Variants in FSD1L observed in about 807,000 individuals in gnomAD.
The protein encoded by FSD1L is fibronectin type III and SPRY domain containing 1 like, also known as FSD1-like protein.
Under a neutral mutation model 71.6 loss-of-function variants are expected in FSD1L, and 45 were observed. The ratio of observed to expected loss-of-function variants is 0.63; its 90% confidence interval spans 0.49 to 0.81. The LOEUF (loss-of-function observed/expected upper bound fraction) is 0.81, where lower values mean the gene tolerates loss of function less well. FSD1L is among the 30% of genes least tolerant of loss of function. FSD1L has a pLI of 0.00. For synonymous variants in FSD1L, 197 were observed against 207.2 expected (o/e 0.95, Z 0.42); for missense variants, 561 against 618.1 (o/e 0.91, Z 0.98).
At chr9:105,494,485 C>G (rs1427235821) in intron 7 of FSD1L, among the ~76,000 whole-genome samples, 1 of 152,164 alleles carries the variant, frequency 6.6e-6, no homozygotes, top group African/African-American at 2.4e-5. Context: ...TCGTCTGAGG[C>G]CTTCTTCTCT....
chr9:105,460,508 C>G (rs1830621030), intron 1 of FSD1L, among the ~76,000 whole-genome samples: 1 of 149,528 alleles, frequency 6.7e-6, no homozygotes, highest in Non-Finnish European at 1.5e-5. Flanking sequence ...AGGAGAATTG[C>G]TTGAACCCAG....
At chr9:105,446,776 T>C (rs1039728361), upstream of FSD1L, among the ~76,000 whole-genome samples, 2 of 151,374 alleles carry the variant, frequency 1.3e-5, no homozygotes, top group Non-Finnish European at 2.9e-5. Context: ...AACAGGGCCT[T>C]GCCCACTACT....
chr9:105,484,920 TA>T (rs1456565220), intron 7 of FSD1L, among the ~76,000 whole-genome samples: 1 of 152,220 alleles, frequency 6.6e-6, no homozygotes, highest in African/African-American at 2.4e-5. Flanking sequence ...TTGATACCTC[TA>T]AAATATTTAT....
chr9:105,479,321 G>A, intron 5 of FSD1L, 33 bp from the exon 6 acceptor site: 1 of 1,549,180 alleles, frequency 6.5e-7, no homozygotes, highest in African/African-American at 1.4e-5. Flanking sequence ...GCACTAACTT[G>A]CCTTCTTTCT....
chr9:105,445,888 C>T (rs1366055429), upstream of FSD1L, among the ~76,000 whole-genome samples: 3 of 152,160 alleles, frequency 2.0e-5, no homozygotes, highest in Non-Finnish European at 4.4e-5. Context: ...GACTGCATGC[C>T]ACTACTCCTT....
At chr9:105,463,875 A>T (rs1208819796) in intron 2 of FSD1L, among the ~76,000 whole-genome samples, 1 of 152,046 alleles carries the variant, frequency 6.6e-6, no homozygotes, top group Non-Finnish European at 1.5e-5. Context: ...TCGGTTCCTG[A>T]TGTTGTATTC....
intron 5 of FSD1L, 29 bp downstream of exon 5, chr9:105,472,034 A>G: frequency 7.1e-7 from 1 of 1,414,696 alleles, no homozygotes; most frequent in South Asian, 1.6e-5. Context: ...AATACACTTA[A>G]CAAGGGAAGT....
chr9:105,521,005 ATATTTTTCC>A, intron 10 of FSD1L: 1 of 1,612,010 alleles, frequency 6.2e-7, no homozygotes, highest in Non-Finnish European at 8.5e-7. Flanking sequence ...TACTTGCCTT[ATATTTTTCC>A]AAACATCTGT....
rs1341162731 is a variant in FSD1L, at chr9:105,549,856, G to C, written c.*3373G>C. The C allele has an allele frequency of 3.3e-5, 5 of 151,560 alleles. No homozygotes were observed. Among genetic ancestry groups the C allele is most frequent in the Admixed American group, 2.6e-4 (4 of 15,212 alleles). 9.4% of individuals were successfully genotyped at this position (151,560 alleles called of 1,614,324 possible). On this transcript the variant is annotated 3_prime_UTR_variant, in exon 14 of 14. Coordinates refer to ENST00000481272, the MANE Select transcript of FSD1L (RefSeq NM_001145313.3). ...TTATAATTGTTTATGTAATTTTATT[G>C]TTTCTTATGGAAACAATTGGAAAAG... is the stretch of plus-strand genomic sequence containing the variant.
intron 7 of FSD1L, among the ~76,000 whole-genome samples, chr9:105,490,509 A>T (rs992880676): frequency 6.6e-6 from 1 of 151,286 alleles, no homozygotes; most frequent in African/African-American, 2.4e-5. Flanking sequence ...CTTTAGTTTA[A>T]TTAGATCCCA....
chr9:105,524,004 C>G, intron 10 of FSD1L: 5 of 1,597,254 alleles, frequency 3.1e-6, no homozygotes, highest in South Asian at 1.1e-5. Flanking sequence ...ATATTGTGAA[C>G]TGCCTTCTCT....
intron 7 of FSD1L, among the ~76,000 whole-genome samples, chr9:105,488,326 A>G (rs769964146): frequency 6.6e-6 from 1 of 152,186 alleles, no homozygotes; most frequent in Non-Finnish European, 1.5e-5. Flanking sequence ...TATGCATTTA[A>G]GTTTCCTCCA....
intron 10 of FSD1L, among the ~76,000 whole-genome samples, chr9:105,514,035 T>C (rs1302141570): frequency 6.6e-6 from 1 of 152,148 alleles, no homozygotes; most frequent in Non-Finnish European, 1.5e-5. Flanking sequence ...TTATAATAAT[T>C]AGGCAGTTTC....
chr9:105,448,506 C>T (rs1391738070), intron 1 of FSD1L, among the ~76,000 whole-genome samples: 1 of 152,236 alleles, frequency 6.6e-6, no homozygotes, highest in Non-Finnish European at 1.5e-5. Flanking sequence ...CGGAGCCATC[C>T]CCCTTTTAAA....
At position 105,549,282 on chromosome 9, in the gene FSD1L, A is replaced by G. The variant is rs532496099; in HGVS notation, c.*2799A>G. 1.3e-5 allele frequency: 2 copies of G among 152,224 alleles called. No homozygotes were observed. Among genetic ancestry groups the G allele is most frequent in the East Asian group, 3.9e-4 (2 of 5,190 alleles). 9.4% of individuals were successfully genotyped at this position (152,224 alleles called of 1,614,324 possible). A position where few individuals can be genotyped will look rare whatever the true frequency, so the allele number is the denominator to read the frequency against. On this transcript the variant is annotated 3_prime_UTR_variant, in exon 14 of 14. Coordinates refer to ENST00000481272, the MANE Select transcript of FSD1L (RefSeq NM_001145313.3). ...AACTGAATTCCCAACGAGTTTTATT[A>G]AGCTGGATATCGAAATGAAGGAGCT... is the stretch of plus-strand genomic sequence containing the variant.
At chr9:105,460,754 G>A (rs118012291) in intron 1 of FSD1L, among the ~76,000 whole-genome samples, 4,676 of 152,180 alleles carry the variant, frequency 0.031, 110 homozygotes, top group Non-Finnish European at 0.044. Flanking sequence ...TTTGTTAGCT[G>A]CCAACTTTGA....
intron 10 of FSD1L, chr9:105,524,035 T>C: frequency 1.2e-6 from 2 of 1,603,682 alleles, no homozygotes; most frequent in Non-Finnish European, 8.5e-7. Flanking sequence ...ATTCCTGATG[T>C]TGCTGTGTCT....
chr9:105,524,630 A>G lies in FSD1L; in HGVS notation c.1026-9863A>G, dbSNP rs1269661592. On this transcript the variant is annotated intron_variant, in intron 10 of 13. Coordinates refer to ENST00000481272, the MANE Select transcript of FSD1L (RefSeq NM_001145313.3). ...TGAGCCTCTCTGATTTGGCATCTGT[A>G]GATTATGATCCTTTTATGCATTTGG... The G allele has an allele frequency of 4.3e-6, 7 of 1,613,840 alleles. No homozygotes were observed. The Admixed American group carries it at 5.0e-5, about 12-fold the overall frequency.
In FSD1L at chr9:105,546,407, C is replaced by T; in HGVS notation, c.1517C>T (p.Ala506Val). ...AGTACTGGGATGCAGGTTCCAAGTGCTGTGAGAACACTTCAGAAAAGTGAA... is the reference window on the plus strand; with the variant it reads ...AGTACTGGGATGCAGGTTCCAAGTGTTGTGAGAACACTTCAGAAAAGTGAA... ...SLSTGMQVPSAVRTLQKSENG... is the reference protein window; with the variant it reads ...SLSTGMQVPSVVRTLQKSENG... The change falls in exon 14 of 14, where the codon GCT (alanine) becomes GTT (valine). Residue 506 changes from alanine to valine, a missense_variant. Ala to Val is a moderately conservative substitution (Grantham distance 64). This residue lies in a region of FSD1L where 98 missense variants were observed against 102.3 expected (regional missense o/e 0.96). Coordinates refer to ENST00000481272, the MANE Select transcript of FSD1L (RefSeq NM_001145313.3). 1 of 1,550,158 alleles carries T rather than the reference C, an allele frequency of 6.5e-7. No individual in the cohort carries two copies. The highest frequency in any genetic ancestry group is 8.7e-7 in the Non-Finnish European group (1 of 1,146,004).
Sources: allele counts gnomAD v4.1 joint callset (sites outside exome capture counted in the v4.1 genomes callset), GRCh38; gene constraint gnomAD v4.1.1; regional missense constraint gnomAD v4.1.1; transcripts MANE v1.5; gene names NCBI Gene and HGNC (gene_info 2026-07-23, HGNC 2026-07-21).